KCNN2: variants seen among roughly 807,000 people sequenced by gnomAD.
The protein encoded by KCNN2 is potassium calcium-activated channel subfamily N member 2, also known as small conductance calcium-activated potassium channel protein 2.
In KCNN2, 24 loss-of-function variants were observed where a neutral mutation model predicts 55.5. That is an observed-to-expected ratio of 0.43 (90% CI 0.31 to 0.61). KCNN2 has a LOEUF of 0.61. Ranked by LOEUF, KCNN2 falls within the 20% of genes least tolerant of loss-of-function variation. The pLI is 0.08. For synonymous variants in KCNN2, 431 were observed against 336.1 expected (o/e 1.28, Z -3.09); for missense variants, 754 against 853.6 (o/e 0.88, Z 1.45).
chr5:114,382,409 G>C (rs1279294080), intron 2 of KCNN2, among the ~76,000 whole-genome samples: 1 of 152,172 alleles, frequency 6.6e-6, no homozygotes. Context: ...GCCTGAACTT[G>C]AGTCCTAATT....
At chr5:114,081,190 A>C (rs550499438) in intron 1 of KCNN2, among the ~76,000 whole-genome samples, 7 of 152,302 alleles carry the variant, frequency 4.6e-5, no homozygotes, top group African/African-American at 1.7e-4. Flanking sequence ...ATGGATTAGA[A>C]GATAATATTA....
At chr5:114,110,217 A>G (rs2112581740) in intron 1 of KCNN2, among the ~76,000 whole-genome samples, 1 of 152,198 alleles carries the variant, frequency 6.6e-6, no homozygotes, top group African/African-American at 2.4e-5. Context: ...TCAGCACAAG[A>G]CAGATTAAGA....
chr5:114,456,245 C>A (rs764746769), intron 3 of KCNN2, among the ~76,000 whole-genome samples: 2 of 152,176 alleles, frequency 1.3e-5, no homozygotes, highest in Non-Finnish European at 2.9e-5. Context: ...ATTTACCATG[C>A]TGAAAAACCT....
intron 2 of KCNN2, among the ~76,000 whole-genome samples, chr5:114,376,422 G>A (rs1471494886): frequency 6.6e-6 from 1 of 152,182 alleles, no homozygotes; most frequent in East Asian, 1.9e-4. Context: ...GCTGCAGCAA[G>A]GTGATCAGTG....
intron 2 of KCNN2, among the ~76,000 whole-genome samples, chr5:114,364,214 G>C (rs1757536337): frequency 1.3e-5 from 2 of 152,204 alleles, no homozygotes. Context: ...AGCATTTTCT[G>C]AGGTGTATTT....
chr5:114,187,291 A>G (rs532289633), intron 1 of KCNN2, among the ~76,000 whole-genome samples: 1 of 152,126 alleles, frequency 6.6e-6, no homozygotes, highest in East Asian at 1.9e-4. Context: ...AATCTCCTAC[A>G]TGAGTAAACT....
chr5:114,130,497 C>G (rs1461437382), intron 1 of KCNN2, among the ~76,000 whole-genome samples: 1 of 152,164 alleles, frequency 6.6e-6, no homozygotes, highest in African/African-American at 2.4e-5. Flanking sequence ...AAATTTGGAC[C>G]TATTGCCTAG....
In KCNN2 at chr5:114,362,850, C is replaced by G. The variant is rs1288757441; in HGVS notation, c.711C>G (p.His237Gln). 5.0e-6 allele frequency: 8 copies of G among 1,599,946 alleles called. No individual in the cohort carries two copies. In the East Asian group the frequency reaches 6.7e-5, roughly 13 times the overall value. The change falls in exon 1 of 8, where the codon CAC becomes CAG. Residue 237 changes from histidine (H) to glutamine (Q), a missense_variant. Physicochemically the swap from His to Gln is conservative, Grantham distance 24. Coordinates refer to ENST00000673685, the MANE Select transcript of KCNN2 (RefSeq NM_021614.4). ...TGAGCGCGTCCCGCCGGAACCTGCA[C>G]GAGATGGACTCAGAGGCGCAGCCCC... Reference protein sequence around the residue: ...SNLSASRRNLHEMDSEAQPLQ... With the variant: ...SNLSASRRNLQEMDSEAQPLQ...
chr5:114,296,660 G>A (rs1370379733), intron 2 of KCNN2, among the ~76,000 whole-genome samples: 1 of 152,194 alleles, frequency 6.6e-6, no homozygotes, highest in Admixed American at 6.5e-5. Flanking sequence ...GCAGGAGCAT[G>A]GTGCAGAATG....
chr5:114,380,514 T>G (rs545965357), intron 2 of KCNN2, among the ~76,000 whole-genome samples: 1 of 152,274 alleles, frequency 6.6e-6, no homozygotes, highest in South Asian at 2.1e-4. Context: ...CCACAACCTT[T>G]TAATAGGTGT....
At chr5:114,328,652 G>T (rs949094903) in intron 2 of KCNN2, among the ~76,000 whole-genome samples, 10 of 152,126 alleles carry the variant, frequency 6.6e-5, no homozygotes, top group Non-Finnish European at 1.0e-4. Flanking sequence ...TCACCTTGAG[G>T]CCCATGGGAA....
chr5:114,278,975 G>A (rs991252963), intron 2 of KCNN2, among the ~76,000 whole-genome samples: 11 of 151,826 alleles, frequency 7.2e-5, no homozygotes, highest in Non-Finnish European at 1.0e-4. Flanking sequence ...GCTGCAGATC[G>A]GAGCTGTTCC....
rs188610034 is a variant in KCNN2 at position 114,441,893 on chromosome 5, G to T, written c.1638-21156G>T. Reference sequence around the variant, plus strand: ...CCTGTCCCTCCAGAATTCACACTGAGAAAGAAACAAGACTGCCAGTGAGTA... The same window carrying T: ...CCTGTCCCTCCAGAATTCACACTGATAAAGAAACAAGACTGCCAGTGAGTA... On this transcript the variant is annotated intron_variant, in intron 3 of 7. Coordinates refer to ENST00000673685, the MANE Select transcript of KCNN2 (RefSeq NM_021614.4). Among the ~76,000 whole-genome samples the T allele has an allele frequency of 9.4e-3, 1,435 of 152,260 alleles. 20 individuals are homozygous for T. Among genetic ancestry groups the T allele is most frequent in the African/African-American group, 0.033 (1,378 of 41,560 alleles).
intron 1 of KCNN2, among the ~76,000 whole-genome samples, chr5:114,135,099 CAAG>C (rs1436680494): frequency 2.0e-5 from 3 of 152,096 alleles, no homozygotes; most frequent in African/African-American, 4.8e-5. Context: ...AAGAATAAGA[CAAG>C]GAGTGTAGAT....
At chr5:114,369,497 A>G (rs1757700595) in intron 2 of KCNN2, among the ~76,000 whole-genome samples, 1 of 152,266 alleles carries the variant, frequency 6.6e-6, no homozygotes, top group South Asian at 2.1e-4. Context: ...AGTTTCATGT[A>G]CCTATGAGGT....
chr5:114,361,270 C>A (rs968033259), upstream of KCNN2: 1 of 152,266 alleles, frequency 6.6e-6, no homozygotes, highest in Non-Finnish European at 1.5e-5. Context: ...CACCCACCCC[C>A]GGCCGGGGTG....
chr5:114,386,686 C>T (rs57753247), intron 2 of KCNN2, among the ~76,000 whole-genome samples: 1 of 152,116 alleles, frequency 6.6e-6, no homozygotes, highest in African/African-American at 2.4e-5. Context: ...CTCATTCTTA[C>T]TCTATGTATT....
chr5:114,460,173 TCTTA>T (rs1369854116), intron 3 of KCNN2, among the ~76,000 whole-genome samples: 2 of 152,300 alleles, frequency 1.3e-5, no homozygotes, highest in East Asian at 1.9e-4. Flanking sequence ...GTATGAAATC[TCTTA>T]CTTCTCTTCG....
At chr5:114,145,623 G>A (rs578049610) in intron 1 of KCNN2, among the ~76,000 whole-genome samples, 9 of 152,266 alleles carry the variant, frequency 5.9e-5, no homozygotes, top group South Asian at 2.1e-4. Context: ...AAGGGGTTCC[G>A]TCTTCTGAAG....
Sources: allele counts gnomAD v4.1 joint callset (sites outside exome capture counted in the v4.1 genomes callset), GRCh38; gene constraint gnomAD v4.1.1; transcripts MANE v1.5; gene names NCBI Gene and HGNC (gene_info 2026-07-23, HGNC 2026-07-21).